The following FRYL variants were observed in gnomAD, a reference collection of about 807,000 sequenced individuals.
FRYL encodes FRY like transcription coactivator, also known as protein furry homolog-like.
Under a neutral mutation model 351.2 loss-of-function variants are expected in FRYL, and 150 were observed. That is an observed-to-expected ratio of 0.43 (90% CI 0.37 to 0.49). FRYL has a LOEUF of 0.49. Among genes scored for constraint, FRYL ranks in the 20% least tolerant of loss-of-function variants. The probability of loss-of-function intolerance (pLI) is 0.00; values close to 1 mark genes in which losing one functional copy is unlikely to be tolerated. For missense variants in FRYL, 3,036 were observed against 3,619.3 expected, an observed-to-expected ratio of 0.84 and a Z score of 4.13; for synonymous variants, 1,153 against 1,257.1, an observed-to-expected ratio of 0.92 and a Z score of 1.75.
rs1727560716 is a variant in FRYL, at chr4:48,531,335, C to T, written c.6724G>A (p.Ala2242Thr). Residue 2242 changes from alanine to threonine, a missense_variant, in exon 50 of 64, where the codon GCC becomes ACC. Coordinates refer to ENST00000358350, the MANE Select transcript of FRYL (RefSeq NM_015030.2). ...KYVQSPYWKE[A>T]LNILKLVVSR... is the part of the protein sequence containing the mutation. The stretch of plus-strand genomic sequence containing the variant: ...ACCACCAGCTTTAATATGTTAAGGG[C>T]TTCCTTCCAGTAAGGACTCTGGTTT... 3 of 1,613,090 alleles carry T rather than the reference C, an allele frequency of 1.9e-6. No individual in the cohort carries two copies. The highest frequency in any genetic ancestry group is 4.5e-5 in the East Asian group (2 of 44,858).
intron 2 of FRYL, among the ~76,000 whole-genome samples, chr4:48,700,714 A>T (rs554185263): frequency 6.6e-6 from 1 of 152,052 alleles, no homozygotes; most frequent in East Asian, 1.9e-4. Flanking sequence ...AGGTGGGAGG[A>T]TCGCTTGAGC....
chr4:48,573,919 T>C (rs1289384146), intron 25 of FRYL, among the ~76,000 whole-genome samples: 3 of 152,176 alleles, frequency 2.0e-5, no homozygotes, highest in African/African-American at 7.2e-5. Context: ...TATTCGAACA[T>C]AGGGTGGGGT....
At chr4:48,745,703 G>A (rs1476464342) in intron 1 of FRYL, among the ~76,000 whole-genome samples, 2 of 152,092 alleles carry the variant, frequency 1.3e-5, no homozygotes, top group African/African-American at 2.4e-5. Context: ...GTATACATAT[G>A]TAACAAACCT....
intron 9 of FRYL, among the ~76,000 whole-genome samples, chr4:48,608,551 C>T (rs1747339799): frequency 6.6e-6 from 1 of 152,058 alleles, no homozygotes; most frequent in Non-Finnish European, 1.5e-5. Flanking sequence ...TTCATCTTTC[C>T]TTTTTGGTGT....
chr4:48,519,156 C>T (rs1724331384), intron 55 of FRYL, among the ~76,000 whole-genome samples: 1 of 152,152 alleles, frequency 6.6e-6, no homozygotes, highest in Non-Finnish European at 1.5e-5. Context: ...TATAGGACTT[C>T]TCCTGTCTAT....
At chr4:48,748,612 A>G in intron 1 of FRYL, among the ~76,000 whole-genome samples, 1 of 152,162 alleles carries the variant, frequency 6.6e-6, no homozygotes, top group East Asian at 1.9e-4. Flanking sequence ...GGAAGTAGAT[A>G]CTTATCTTGT....
At chr4:48,589,650 T>G in intron 18 of FRYL, 95 bp downstream of exon 18, 1 of 1,183,976 alleles carries the variant, frequency 8.4e-7, no homozygotes, top group Non-Finnish European at 1.2e-6. Context: ...ATGGAAGAAC[T>G]CCAAAGACCA....
intron 53 of FRYL, among the ~76,000 whole-genome samples, chr4:48,524,699 T>C (rs1264782822): frequency 6.6e-6 from 1 of 152,152 alleles, no homozygotes; most frequent in Non-Finnish European, 1.5e-5. Context: ...GAACTACAAA[T>C]GAACATCCTT....
chr4:48,580,842 T>A, intron 22 of FRYL, 23 bp downstream of exon 22: 1 of 1,489,650 alleles, frequency 6.7e-7, no homozygotes. Context: ...CAAGATTGGG[T>A]AGAATGAAGT....
intron 24 of FRYL, 75 bp from the exon 25 acceptor site, chr4:48,575,316 G>A: frequency 6.8e-7 from 1 of 1,468,250 alleles, no homozygotes; most frequent in East Asian, 2.3e-5. Flanking sequence ...GATTTCAGTA[G>A]TCTTATGTCA....
chr4:48,521,985 T>A (rs1384133276), intron 54 of FRYL, among the ~76,000 whole-genome samples: 1 of 151,982 alleles, frequency 6.6e-6, no homozygotes, highest in East Asian at 1.9e-4. Context: ...GGATCTAAAT[T>A]AAAGGTAGGT....
chr4:48,540,339 T>C lies in FRYL; in HGVS notation c.6295+14A>G. On this transcript the variant is annotated intron_variant, in intron 46 of 63. Transcript: ENST00000358350. ...ATAAAATGCAAAGTGCTGGTGCAAT[T>C]ATATTAACATCACCTGACAATTGGG... 1 of 1,604,410 alleles carries C rather than the reference T, an allele frequency of 6.2e-7. No individual in the cohort carries two copies. Among genetic ancestry groups the C allele is most frequent in the Non-Finnish European group, 8.5e-7 (1 of 1,174,048 alleles).
intron 13 of FRYL, among the ~76,000 whole-genome samples, chr4:48,601,816 A>G (rs1745768939): frequency 6.6e-6 from 1 of 152,186 alleles, no homozygotes; most frequent in Admixed American, 6.6e-5. Flanking sequence ...GGACAAACTA[A>G]ATTTTCAATC....
At chr4:48,747,356 A>AT (rs1466190891) in intron 1 of FRYL, among the ~76,000 whole-genome samples, 1 of 152,186 alleles carries the variant, frequency 6.6e-6, no homozygotes, top group African/African-American at 2.4e-5. Flanking sequence ...GTCTGGAAAT[A>AT]TTTTTCTCAC....
At chr4:48,508,852 G>A (rs1208305207) in intron 59 of FRYL, among the ~76,000 whole-genome samples, 1 of 152,148 alleles carries the variant, frequency 6.6e-6, no homozygotes, top group Non-Finnish European at 1.5e-5. Flanking sequence ...GACCACTTCA[G>A]GACTAGTCTT....
intron 3 of FRYL, among the ~76,000 whole-genome samples, chr4:48,645,050 C>G (rs2149406375): frequency 6.8e-6 from 1 of 146,770 alleles, no homozygotes; most frequent in South Asian, 2.1e-4. Context: ...GTCTAAAAAG[C>G]CAACAGGCAT....
intron 3 of FRYL, among the ~76,000 whole-genome samples, chr4:48,646,712 C>T (rs1294300635): frequency 2.6e-5 from 4 of 152,162 alleles, no homozygotes; most frequent in Admixed American, 2.6e-4. Context: ...GGCAAGACAG[C>T]TGTCAGGTAT....
intron 2 of FRYL, among the ~76,000 whole-genome samples, chr4:48,694,802 T>G (rs1217503758): frequency 6.6e-6 from 1 of 152,178 alleles, no homozygotes; most frequent in Non-Finnish European, 1.5e-5. Context: ...CTGGACATGA[T>G]AGCTCACTCC....
chr4:48,563,098 C>A, intron 31 of FRYL, 110 bp from the exon 32 acceptor site: 3 of 646,346 alleles, frequency 4.6e-6, no homozygotes, highest in Non-Finnish European at 8.1e-6. Context: ...ATCTTCTAAG[C>A]CTATGAGGAG....
Sources: gnomAD v4.1 joint callset for allele counts (sites outside exome capture counted in the v4.1 genomes callset) on GRCh38, gnomAD v4.1.1 for gene constraint, MANE v1.5 for transcripts, NCBI Gene and HGNC (gene_info 2026-07-23, HGNC 2026-07-21) for gene names.